The following TBL1XR1 variants were observed in gnomAD, a reference collection of about 807,000 sequenced individuals.
TBL1XR1 encodes TBL1X/Y related 1, also known as F-box-like/WD repeat-containing protein TBL1XR1.
Under a neutral mutation model 66.9 loss-of-function variants are expected in TBL1XR1, and 5 were observed. The ratio of observed to expected loss-of-function variants is 0.07; its 90% CI spans 0.04 to 0.16. The LOEUF (loss-of-function observed/expected upper bound fraction) is 0.16, where lower values mean the gene tolerates loss of function less well. TBL1XR1 is among the 10% of genes least tolerant of loss of function. TBL1XR1 has a pLI of 1.00. For synonymous variants in TBL1XR1, 210 were observed against 206.0 expected (o/e 1.02, Z -0.17); for missense variants, 238 against 623.2 (o/e 0.38, Z 6.58).
chr3:177,022,247 A>T lies in TBL1XR1; in HGVS notation c.*3251T>A, dbSNP rs1712477677. 1 of 152,582 alleles carries T rather than the reference A, an allele frequency of 6.6e-6. No homozygotes were observed. Among genetic ancestry groups the T allele is most frequent in the Non-Finnish European group, 1.5e-5 (1 of 67,992 alleles). The allele number at this position is 152,582 out of a possible 1,614,324, so 9.5% of individuals were successfully genotyped here. A position where few individuals can be genotyped will look rare whatever the true frequency, so the allele number is the denominator to read the frequency against. Reference sequence around the variant, plus strand: ...CAATCTAGTGATTACTTTTTGCACCATAATTTGTTTTTTACACCACAAAAG... The same window carrying T: ...CAATCTAGTGATTACTTTTTGCACCTTAATTTGTTTTTTACACCACAAAAG... On this transcript the variant is annotated 3_prime_UTR_variant, in exon 16 of 16. Coordinates refer to ENST00000457928, the MANE Select transcript of TBL1XR1 (RefSeq NM_024665.7).
intron 1 of TBL1XR1, among the ~76,000 whole-genome samples, chr3:177,128,052 T>G (rs1727853688): frequency 6.6e-6 from 1 of 152,002 alleles, no homozygotes; most frequent in Non-Finnish European, 1.5e-5. Flanking sequence ...AACCCCCATC[T>G]CTACTAAAAT....
chr3:177,145,926 C>G (rs1432539989), intron 1 of TBL1XR1, among the ~76,000 whole-genome samples: 2 of 152,178 alleles, frequency 1.3e-5, no homozygotes, highest in African/African-American at 4.8e-5. Flanking sequence ...TGATGGAGAT[C>G]CCAGGAGCTC....
chr3:177,169,769 C>T (rs1733242986), intron 1 of TBL1XR1, among the ~76,000 whole-genome samples: 2 of 152,142 alleles, frequency 1.3e-5, no homozygotes, highest in African/African-American at 4.8e-5. Flanking sequence ...GAGATGAAGA[C>T]CAAAAGTTAA....
intron 13 of TBL1XR1, 113 bp from the exon 14 acceptor site, chr3:177,033,249 G>A (rs1454280280): frequency 2.6e-6 from 2 of 770,416 alleles, no homozygotes; most frequent in East Asian, 5.7e-5. Context: ...TTCTTTATGA[G>A]AAGCAGACCG....
intron 1 of TBL1XR1, among the ~76,000 whole-genome samples, chr3:177,183,363 C>T (rs1463446694): frequency 6.6e-6 from 1 of 152,112 alleles, no homozygotes; most frequent in Non-Finnish European, 1.5e-5. Context: ...TGTATACATA[C>T]CCTGTGTTGT....
At chr3:177,049,850 G>A in intron 7 of TBL1XR1, 147 bp downstream of exon 7, 1 of 799,128 alleles carries the variant, frequency 1.3e-6, no homozygotes, top group Non-Finnish European at 1.9e-6. Context: ...TGGGGGAGAG[G>A]GCTGGCAGGG....
chr3:177,055,848 G>A lies in TBL1XR1; in HGVS notation c.59-1930C>T, dbSNP rs1717737974. Among the ~76,000 whole-genome samples the A allele has an allele frequency of 2.0e-5, 3 of 152,242 alleles. No individual in the cohort carries two copies. In the South Asian group the frequency reaches 6.2e-4, roughly 32 times the overall value. ...AGAGATTTAAGAAAACTTCAAGACA[G>A]AAGACATCATTTACAGAGGGCCTAT... On this transcript the variant is annotated intron_variant, in intron 3 of 15. Transcript: ENST00000457928.
At chr3:177,039,093 G>A (rs9875622) in intron 10 of TBL1XR1, among the ~76,000 whole-genome samples, 53,885 of 151,996 alleles carry the variant, frequency 0.35, 9,834 homozygotes, top group East Asian at 0.5. Flanking sequence ...GTATAATGAT[G>A]CCATCTGGCT....
intron 1 of TBL1XR1, among the ~76,000 whole-genome samples, chr3:177,167,491 A>T (rs2108910882): frequency 6.6e-6 from 1 of 152,330 alleles, no homozygotes; most frequent in African/African-American, 2.4e-5. Context: ...TTGGGTGATA[A>T]TGATGTCAAC....
At chr3:177,143,472 T>A (rs1729869065) in intron 1 of TBL1XR1, among the ~76,000 whole-genome samples, 1 of 151,858 alleles carries the variant, frequency 6.6e-6, no homozygotes, top group Non-Finnish European at 1.5e-5. Flanking sequence ...ATGCTGTAAG[T>A]TTTTTACAGT....
intron 14 of TBL1XR1, 169 bp downstream of exon 14, chr3:177,032,802 T>A (rs543262780): frequency 6.3e-6 from 3 of 476,602 alleles, no homozygotes; most frequent in African/African-American, 4.0e-5. Flanking sequence ...ATTTCAAAAT[T>A]CCAGTCTCCA....
chr3:177,088,351 T>C (rs1337973574), intron 2 of TBL1XR1, among the ~76,000 whole-genome samples: 1 of 152,192 alleles, frequency 6.6e-6, no homozygotes, highest in Non-Finnish European at 1.5e-5. Flanking sequence ...TAAAATACTG[T>C]ATAAAACTGC....
intron 1 of TBL1XR1, among the ~76,000 whole-genome samples, chr3:177,180,486 C>A (rs13081843): frequency 0.57 from 86,361 of 150,960 alleles, 24,996 homozygotes; most frequent in East Asian, 0.75. Context: ...CTGCTGACGA[C>A]TTTTTTAAAC....
intron 2 of TBL1XR1, among the ~76,000 whole-genome samples, chr3:177,086,034 T>C (rs545026600): frequency 2.0e-4 from 31 of 152,076 alleles, no homozygotes; most frequent in African/African-American, 6.0e-4. Context: ...AGAACTTACT[T>C]AGCTTTGTAA....
intron 3 of TBL1XR1, among the ~76,000 whole-genome samples, chr3:177,058,019 G>GA: frequency 6.6e-6 from 1 of 152,080 alleles, no homozygotes; most frequent in East Asian, 1.9e-4. Flanking sequence ...TTCTCAAAGG[G>GA]GAGTTAGTCA....
chr3:177,068,858 C>T (rs2108553483), intron 2 of TBL1XR1, among the ~76,000 whole-genome samples: 1 of 152,310 alleles, frequency 6.6e-6, no homozygotes, highest in South Asian at 2.1e-4. Flanking sequence ...AGCTATAGCA[C>T]ATTTTTAAGA....
chr3:177,198,302 A>G (rs1737188987), upstream of TBL1XR1, among the ~76,000 whole-genome samples: 1 of 152,180 alleles, frequency 6.6e-6, no homozygotes. Context: ...AATCAAGCAT[A>G]TGGTGGTATT....
chr3:177,057,103 A>G (rs1298180263), intron 3 of TBL1XR1, among the ~76,000 whole-genome samples: 2 of 152,122 alleles, frequency 1.3e-5, no homozygotes, highest in African/African-American at 4.8e-5. Flanking sequence ...TCATCTCAAT[A>G]CTACACACCC....
chr3:177,100,381 ACTT>A (rs1177744388), intron 1 of TBL1XR1, among the ~76,000 whole-genome samples: 14 of 152,226 alleles, frequency 9.2e-5, no homozygotes, highest in Non-Finnish European at 4.4e-5. Flanking sequence ...TAAAGGTACA[ACTT>A]AATTGTAGAG....
Sources: gnomAD v4.1 joint callset for allele counts (sites outside exome capture counted in the v4.1 genomes callset) on GRCh38, gnomAD v4.1.1 for gene constraint, MANE v1.5 for transcripts, NCBI Gene and HGNC (gene_info 2026-07-23, HGNC 2026-07-21) for gene names.